The following NRXN3 variants were observed in gnomAD, a reference collection of about 807,000 sequenced individuals.
NRXN3 encodes neurexin III.
A neutral mutation model predicts 137.6 loss-of-function variants in NRXN3; 32 were observed. That is an observed-to-expected ratio of 0.23 (90% CI 0.18 to 0.31). The LOEUF (loss-of-function observed/expected upper bound fraction) is 0.31, where lower values mean the gene tolerates loss of function less well. NRXN3 is among the 10% of genes least tolerant of loss of function. The probability of loss-of-function intolerance (pLI) is 1.00; values close to 1 mark genes in which losing one functional copy is unlikely to be tolerated. For missense variants in NRXN3, 1,574 were observed against 2,062.5 expected (o/e 0.76, Z 4.59); for synonymous variants, 798 against 784.5 (o/e 1.02, Z -0.29).
Position 78,810,336 on chromosome 14 carries a change from G to A in NRXN3, c.2267G>A (p.Cys756Tyr). 1.4e-6 allele frequency: 2 copies of A among 1,445,230 alleles called. No homozygotes were observed. Among genetic ancestry groups the A allele is most frequent in the Admixed American group, 2.6e-5 (1 of 38,442 alleles). The allele number at this position is 1,445,230 out of a possible 1,614,324, so 89.5% of individuals were successfully genotyped here. A position where few individuals can be genotyped will look rare whatever the true frequency, so the allele number is the denominator to read the frequency against. The change falls in exon 10 of 21, where the codon TGT (cysteine) becomes TAT (tyrosine). Residue 756 changes from cysteine to tyrosine, a missense_variant. This residue lies in a region of NRXN3 where 718 missense variants were observed against 887.6 expected (regional missense o/e 0.81). Coordinates refer to ENST00000335750, the MANE Select transcript of NRXN3 (RefSeq NM_001330195.2). ...CATCTAGACTGTATCAGGATAAACT[G>A]TAACTCCAGTAAGTTTTCCCTCAAG... ...MVNLDCIRIN[C>Y]NSSKGPETLY...
intron 15 of NRXN3, among the ~76,000 whole-genome samples, chr14:79,256,865 GTGTA>G (rs1039734343): frequency 1.3e-5 from 2 of 152,210 alleles, no homozygotes; most frequent in African/African-American, 4.8e-5. Flanking sequence ...GTGTGTGTGT[GTGTA>G]TGTGTGTCTG....
At chr14:79,338,996 C>A (rs1358000289) in intron 15 of NRXN3, among the ~76,000 whole-genome samples, 2 of 152,136 alleles carry the variant, frequency 1.3e-5, no homozygotes, top group South Asian at 2.1e-4. Flanking sequence ...TGTAGGGCGA[C>A]CCATTTGGAA....
intron 15 of NRXN3, among the ~76,000 whole-genome samples, chr14:79,384,825 G>A (rs2094561206): frequency 6.6e-6 from 1 of 152,182 alleles, no homozygotes; most frequent in South Asian, 2.1e-4. Flanking sequence ...CCACGTTTTA[G>A]TATTGTTAGG....
intron 4 of NRXN3, among the ~76,000 whole-genome samples, chr14:78,358,767 A>G (rs1247168970): frequency 6.6e-6 from 1 of 152,176 alleles, no homozygotes; most frequent in Admixed American, 6.5e-5. Flanking sequence ...TCCTGCCTTA[A>G]CTGAGCATTC....
intron 10 of NRXN3, among the ~76,000 whole-genome samples, chr14:78,949,876 C>A (rs956839707): frequency 6.6e-6 from 1 of 151,936 alleles, no homozygotes; most frequent in Non-Finnish European, 1.5e-5. Flanking sequence ...CATGCTAGGG[C>A]AAAAAGGTCA....
At chr14:78,789,735 T>C (rs1369968657) in intron 8 of NRXN3, among the ~76,000 whole-genome samples, 1 of 152,184 alleles carries the variant, frequency 6.6e-6, no homozygotes, top group Non-Finnish European at 1.5e-5. Flanking sequence ...GTGAAAGCTG[T>C]GCTTCTACAT....
intron 16 of NRXN3, among the ~76,000 whole-genome samples, chr14:79,514,327 C>G (rs1601502393): frequency 2.0e-5 from 3 of 152,166 alleles, no homozygotes; most frequent in Admixed American, 2.0e-4. Flanking sequence ...ATTCAAGCCT[C>G]TCTCTAAAAG....
At chr14:78,450,029 A>C (rs1177768421) in intron 4 of NRXN3, among the ~76,000 whole-genome samples, 1 of 152,182 alleles carries the variant, frequency 6.6e-6, no homozygotes. Context: ...AGAGGGTCCC[A>C]AAGGTGAATG....
intron 4 of NRXN3, among the ~76,000 whole-genome samples, chr14:78,367,784 T>G (rs185884118): frequency 2.6e-5 from 4 of 152,330 alleles, no homozygotes; most frequent in Admixed American, 2.6e-4. Context: ...ATTTCCCCTA[T>G]CTGAGCTGAA....
At chr14:79,481,439 T>C (rs1490114761) in intron 16 of NRXN3, among the ~76,000 whole-genome samples, 1 of 152,192 alleles carries the variant, frequency 6.6e-6, no homozygotes, top group Non-Finnish European at 1.5e-5. Flanking sequence ...CTAGATGTTA[T>C]AGCCTACTAC....
At chr14:78,862,008 T>G (rs2099073695) in intron 10 of NRXN3, among the ~76,000 whole-genome samples, 1 of 152,142 alleles carries the variant, frequency 6.6e-6, no homozygotes, top group Non-Finnish European at 1.5e-5. Flanking sequence ...AGTCCCTGTT[T>G]CCATGTGAAC....
intron 15 of NRXN3, among the ~76,000 whole-genome samples, chr14:79,319,298 G>A (rs2089533325): frequency 6.6e-6 from 1 of 152,156 alleles, no homozygotes; most frequent in African/African-American, 2.4e-5. Context: ...GCTAGAAGCA[G>A]CTATAATATT....
At chr14:79,213,455 T>C (rs1374748461) in intron 15 of NRXN3, among the ~76,000 whole-genome samples, 2 of 152,164 alleles carry the variant, frequency 1.3e-5, no homozygotes, top group Non-Finnish European at 2.9e-5. Context: ...ATGTGATCCT[T>C]TTCATGTGGC....
intron 15 of NRXN3, among the ~76,000 whole-genome samples, chr14:79,413,227 AG>A (rs1229791147): frequency 1.3e-5 from 2 of 152,140 alleles, no homozygotes; most frequent in Non-Finnish European, 2.9e-5. Flanking sequence ...GCACCTCCTT[AG>A]GAAGATCTGG....
chr14:79,479,683 T>C (rs1459436842), intron 16 of NRXN3, among the ~76,000 whole-genome samples: 1 of 152,162 alleles, frequency 6.6e-6, no homozygotes, highest in African/African-American at 2.4e-5. Flanking sequence ...ACTTTCTTTT[T>C]GGATTCAAAG....
At chr14:78,863,229 A>G (rs1229467275) in intron 10 of NRXN3, among the ~76,000 whole-genome samples, 1 of 152,148 alleles carries the variant, frequency 6.6e-6, no homozygotes, top group Non-Finnish European at 1.5e-5. Flanking sequence ...ACCAATTCTT[A>G]TATGCATGAC....
chr14:79,242,637 T>C (rs779713658), intron 15 of NRXN3, among the ~76,000 whole-genome samples: 3 of 152,158 alleles, frequency 2.0e-5, no homozygotes, highest in East Asian at 1.9e-4. Flanking sequence ...AGTGTACTAA[T>C]GGCATCTGCT....
At chr14:79,154,828 A>G (rs1045528962) in intron 15 of NRXN3, among the ~76,000 whole-genome samples, 2 of 151,946 alleles carry the variant, frequency 1.3e-5, no homozygotes, top group Admixed American at 1.3e-4. Context: ...AACGTAATCC[A>G]ATGCAACTTC....
intron 15 of NRXN3, among the ~76,000 whole-genome samples, chr14:79,128,580 A>C (rs1186495342): frequency 6.6e-6 from 1 of 150,490 alleles, no homozygotes. Flanking sequence ...TCGGTTTGCC[A>C]GTATTTTATT....
Sources: allele counts gnomAD v4.1 joint callset (sites outside exome capture counted in the v4.1 genomes callset), GRCh38; gene constraint gnomAD v4.1.1; regional missense constraint gnomAD v4.1.1; transcripts MANE v1.5; gene names NCBI Gene and HGNC (gene_info 2026-07-23, HGNC 2026-07-21).